Variants in ABCA5 observed in about 807,000 individuals in gnomAD.
The protein encoded by ABCA5 is cholesterol transporter ABCA5.
Under a neutral mutation model 206.0 loss-of-function variants are expected in ABCA5, and 163 were observed. The observed-to-expected ratio is 0.79, with a 90% CI of 0.70 to 0.90. ABCA5 has a LOEUF of 0.90. Ranked by LOEUF, ABCA5 falls within the 40% of genes least tolerant of loss-of-function variation. ABCA5 has a pLI of 0.00. For synonymous variants in ABCA5, 609 were observed against 613.8 expected (o/e 0.99, Z 0.11); for missense variants, 1,859 against 1,912.9 (o/e 0.97, Z 0.53).
intron 1 of ABCA5, among the ~76,000 whole-genome samples, chr17:69,323,857 A>G (rs535094676): frequency 1.3e-5 from 2 of 152,362 alleles, no homozygotes; most frequent in South Asian, 4.1e-4. Context: ...CCCATGAGGA[A>G]CACTGCTTCT....
intron 20 of ABCA5, 90 bp from the exon 21 acceptor site, chr17:69,271,379 A>G (rs944327312): frequency 7.3e-6 from 10 of 1,362,608 alleles, no homozygotes; most frequent in Non-Finnish European, 9.8e-6. Context: ...TTAGAGAAAT[A>G]TTTTATTTTC....
rs2075132988 is a variant in ABCA5 at position 69,260,328 on chromosome 17, T to A, written c.3639+10A>T. ...TACATGCTAATTCACAAAAACACTT[T>A]ATTTCTTACCGATATAACAGCTACT... On this transcript the variant is annotated intron_variant, in intron 27 of 38. Transcript: ENST00000392676. The A allele has an allele frequency of 6.3e-7, 1 of 1,590,728 alleles. No homozygotes were observed. The highest frequency in any genetic ancestry group is 1.4e-5 in the African/African-American group (1 of 73,892).
rs1368198485 is a variant in ABCA5 at position 69,247,532 on chromosome 17, CA to C, written c.*4del. ...GTCCCAGTAAGCAGACCGAACAATACAAATTCAAAATACTACTCTATCTTCT... is the reference window on the plus strand; with the variant it reads ...GTCCCAGTAAGCAGACCGAACAATACAATTCAAAATACTACTCTATCTTCT... On this transcript the variant is annotated 3_prime_UTR_variant, in exon 39 of 39. Coordinates refer to ENST00000392676, the MANE Select transcript of ABCA5 (RefSeq NM_172232.4). The C allele has an allele frequency of 6.3e-7, 1 of 1,577,844 alleles. No individual in the cohort carries two copies. The highest frequency in any genetic ancestry group is 1.9e-5 in the Admixed American group (1 of 53,710).
At position 69,277,840 on chromosome 17, in the gene ABCA5, A is replaced by T. The variant is rs778583140; in HGVS notation, c.2395T>A (p.Tyr799Asn). 6.6e-7 allele frequency: 1 copy of T among 1,516,244 alleles called. No individual in the cohort carries two copies. The highest frequency in any genetic ancestry group is 2.4e-5 in the East Asian group (1 of 41,656). The allele number at this position is 1,516,244 out of a possible 1,614,324, so 93.9% of individuals were successfully genotyped here. A position where few individuals can be genotyped will look rare whatever the true frequency, so the allele number is the denominator to read the frequency against. ...EVEAEIDQAD[Y>N]SVFTQQPLEE... ...AGTGGCTGCTGAGTAAATACACTATAATCTATTTGCCAAAACAAAACAAAC... is the reference window on the plus strand; with the variant it reads ...AGTGGCTGCTGAGTAAATACACTATTATCTATTTGCCAAAACAAAACAAAC... Residue 799 changes from tyrosine to asparagine, a missense_variant and splice_region_variant, in exon 19 of 39, where the codon TAT (tyrosine) becomes AAT (asparagine). Tyr to Asn is a moderately radical substitution (Grantham distance 143, BLOSUM62 -2). Coordinates refer to ENST00000392676, the MANE Select transcript of ABCA5 (RefSeq NM_172232.4).
intron 33 of ABCA5, 22 bp from the exon 34 acceptor site, chr17:69,253,689 G>T: frequency 6.2e-7 from 1 of 1,602,042 alleles, no homozygotes; most frequent in Non-Finnish European, 8.6e-7. Flanking sequence ...GAAAAAGATG[G>T]GTGGGAAATT....
chr17:69,282,076 T>C (rs2144963400), intron 18 of ABCA5, among the ~76,000 whole-genome samples: 1 of 152,314 alleles, frequency 6.6e-6, no homozygotes, highest in African/African-American at 2.4e-5. Flanking sequence ...TACTGCATCA[T>C]GAAATTGATC....
rs767778488 is a variant in ABCA5 at position 69,274,146 on chromosome 17, AC to A, written c.2595-19del. 2.6e-6 allele frequency: 4 copies of A among 1,558,020 alleles called. No individual in the cohort carries two copies. The highest frequency in any genetic ancestry group is 4.5e-5 in the East Asian group (2 of 44,516). On this transcript the variant is annotated intron_variant, in intron 19 of 38. Coordinates refer to ENST00000392676, the MANE Select transcript of ABCA5 (RefSeq NM_172232.4). ...GAAGCAACCTGAAAAGAAAAAAAAAACAACACAGCTCAGGGTACAAAGGTAC... is the reference window on the plus strand; with the variant it reads ...GAAGCAACCTGAAAAGAAAAAAAAAAAACACAGCTCAGGGTACAAAGGTAC...
chr17:69,284,236 C>A (rs1202191438), intron 17 of ABCA5, among the ~76,000 whole-genome samples, 164 bp from the exon 18 acceptor site: 1 of 152,068 alleles, frequency 6.6e-6, no homozygotes, highest in African/African-American at 2.4e-5. Context: ...CTGATGCAAG[C>A]CTGTAGTCTT....
chr17:69,259,672 A>T, intron 28 of ABCA5, 34 bp downstream of exon 28: 1 of 1,402,244 alleles, frequency 7.1e-7, no homozygotes, highest in Non-Finnish European at 1.0e-6. Context: ...TAAATATACT[A>T]AAAACATTTA....
chr17:69,309,280 T>G lies in ABCA5; in HGVS notation c.451A>C (p.Ile151Leu). 1 of 1,581,158 alleles carries G rather than the reference T, an allele frequency of 6.3e-7. No individual in the cohort carries two copies. Among genetic ancestry groups the G allele is most frequent in the Non-Finnish European group, 8.5e-7 (1 of 1,170,242 alleles). The change falls in exon 4 of 39, where the codon ATT (isoleucine) becomes CTT (leucine). Residue 151 changes from isoleucine to leucine, a missense_variant. By Grantham distance (5) the Ile-to-Leu change is conservative. Coordinates refer to ENST00000392676, the MANE Select transcript of ABCA5 (RefSeq NM_172232.4). The part of the protein sequence containing the change: ...FFPDMIPVSS[I>L]YMDSRAGCSK... ...TATTTACCTCTTGAATCCATATAAATAGAAGATACTGGAATCATATCAGGA... is the reference window on the plus strand; with the variant it reads ...TATTTACCTCTTGAATCCATATAAAGAGAAGATACTGGAATCATATCAGGA...
At chr17:69,275,440 G>A (rs1032141375) in intron 19 of ABCA5, among the ~76,000 whole-genome samples, 1 of 151,788 alleles carries the variant, frequency 6.6e-6, no homozygotes, top group African/African-American at 2.4e-5. Flanking sequence ...CACATACCCC[G>A]TAATTTTTTT....
At chr17:69,315,309 CAA>C (rs2075805438) in intron 1 of ABCA5, 1 of 152,128 alleles carries the variant, frequency 6.6e-6, no homozygotes, top group Non-Finnish European at 1.5e-5. Context: ...AAAGGTACTG[CAA>C]AAGTTTTTGA....
chr17:69,251,153 CATCAT>C (rs2075008814), intron 35 of ABCA5: 2 of 152,742 alleles, frequency 1.3e-5, no homozygotes, highest in Admixed American at 6.5e-5. Context: ...GTACTTTTTC[CATCAT>C]ATCATATCAG....
At chr17:69,253,956 C>A (rs1313022583) in intron 32 of ABCA5, 87 bp from the exon 33 acceptor site, 2 of 1,107,040 alleles carry the variant, frequency 1.8e-6, no homozygotes, top group African/African-American at 3.2e-5. Flanking sequence ...GTTGTTTTCT[C>A]TAGAATAGTT....
In ABCA5 at chr17:69,313,187, T is replaced by C. The variant is rs141163743; in HGVS notation, c.212A>G (p.Lys71Arg). 4 of 1,599,528 alleles carry C rather than the reference T, an allele frequency of 2.5e-6. No individual in the cohort carries two copies. Residue 71 changes from lysine to arginine, a missense_variant, in exon 3 of 39, where the codon AAG (lysine) becomes AGG (arginine). Lys to Arg is a conservative substitution (Grantham distance 26). Transcript: ENST00000392676. ...VPNIELNPMD[K>R]FTLSNLILGY... Reference sequence around the variant, plus strand: ...AAGAATTAGATTAGAAAGAGTAAACTTGTCCATAGGATTGAGTTCTATATT... The same window carrying C: ...AAGAATTAGATTAGAAAGAGTAAACCTGTCCATAGGATTGAGTTCTATATT...
chr17:69,285,053 C>A (rs2075435661), intron 17 of ABCA5, among the ~76,000 whole-genome samples: 1 of 152,170 alleles, frequency 6.6e-6, no homozygotes, highest in Admixed American at 6.5e-5. Context: ...TTACCTTGGG[C>A]AAGTTCCTTA....
At chr17:69,262,600 T>C (rs1343433888) in intron 24 of ABCA5, among the ~76,000 whole-genome samples, 1 of 152,214 alleles carries the variant, frequency 6.6e-6, no homozygotes, top group African/African-American at 2.4e-5. Flanking sequence ...TTCCGTGGTG[T>C]ATATGTACCA....
intron 17 of ABCA5, among the ~76,000 whole-genome samples, chr17:69,284,520 A>T (rs1458893943): frequency 6.6e-6 from 1 of 152,170 alleles, no homozygotes; most frequent in Non-Finnish European, 1.5e-5. Context: ...ATAAATATGT[A>T]CATTAGAAAA....
chr17:69,272,347 T>C (rs2075282601), intron 20 of ABCA5, among the ~76,000 whole-genome samples: 1 of 151,938 alleles, frequency 6.6e-6, no homozygotes, highest in Non-Finnish European at 1.5e-5. Flanking sequence ...AAAAAAGTGG[T>C]TTTATTTTGG....
Sources: allele counts gnomAD v4.1 joint callset (sites outside exome capture counted in the v4.1 genomes callset), GRCh38; gene constraint gnomAD v4.1.1; transcripts MANE v1.5; gene names NCBI Gene and HGNC (gene_info 2026-07-23, HGNC 2026-07-21).